DGKB: variants seen among roughly 807,000 people sequenced by gnomAD.
DGKB encodes diacylglycerol kinase beta.
In DGKB, 67 loss-of-function variants were observed where a neutral mutation model predicts 114.3. The observed-to-expected ratio is 0.59, with a 90% CI of 0.48 to 0.72. The LOEUF (loss-of-function observed/expected upper bound fraction) is 0.72. Ranked by LOEUF, DGKB falls within the 30% of genes least tolerant of loss-of-function variation. The pLI is 0.00. For synonymous variants in DGKB, 398 were observed against 323.1 expected (o/e 1.23, Z -2.49); for missense variants, 907 against 975.2 (o/e 0.93, Z 0.93).
At chr7:14,792,989 C>T (rs1334605063) in intron 2 of DGKB, among the ~76,000 whole-genome samples, 1 of 152,004 alleles carries the variant, frequency 6.6e-6, no homozygotes, top group Admixed American at 6.6e-5. Flanking sequence ...AAGAAAAACA[C>T]AGGTATGTGA....
At chr7:14,285,037 A>G (rs958928633) in intron 23 of DGKB, among the ~76,000 whole-genome samples, 6 of 152,070 alleles carry the variant, frequency 3.9e-5, no homozygotes, top group Admixed American at 3.9e-4. Flanking sequence ...AAATAATAAA[A>G]AAAAGAAATG....
intron 1 of DGKB, among the ~76,000 whole-genome samples, chr7:14,944,849 T>G (rs73058999): frequency 1.3e-5 from 2 of 151,718 alleles, no homozygotes; most frequent in African/African-American, 4.8e-5. Flanking sequence ...TTTTATTTGG[T>G]TTGTATATAC....
intron 22 of DGKB, among the ~76,000 whole-genome samples, chr7:14,340,754 T>C (rs1461333864): frequency 6.6e-6 from 1 of 151,730 alleles, no homozygotes; most frequent in Non-Finnish European, 1.5e-5. Context: ...TTTATAAAGG[T>C]CTGGCTTCCC....
At chr7:14,453,552 A>T (rs1831837857) in intron 21 of DGKB, among the ~76,000 whole-genome samples, 1 of 152,148 alleles carries the variant, frequency 6.6e-6, no homozygotes. Context: ...TGCATTTCTA[A>T]CCATCTCCAT....
At chr7:14,827,030 GT>G (rs1845793472) in intron 2 of DGKB, among the ~76,000 whole-genome samples, 1 of 152,074 alleles carries the variant, frequency 6.6e-6, no homozygotes, top group Non-Finnish European at 1.5e-5. Flanking sequence ...GGCATTGCCA[GT>G]TTTAACATTG....
rs568715475 is a variant in DGKB, at chr7:14,488,913, CA to C, written c.1771-10689del. Among the ~76,000 whole-genome samples the C allele has an allele frequency of 3.4e-5, 5 of 149,094 alleles. No homozygotes were observed. In the East Asian group the frequency reaches 9.8e-4, roughly 29 times the overall value. On this transcript the variant is annotated intron_variant, in intron 20 of 25. Coordinates refer to ENST00000402815, the MANE Select transcript of DGKB (RefSeq NM_001350709.2). ...AATTATTTTCTAGAAATCTAAACAA[CA>C]AAAATTAGGTCTAGAAATCTAAAAT... is the stretch of plus-strand genomic sequence containing the variant.
intron 23 of DGKB, among the ~76,000 whole-genome samples, chr7:14,307,967 AC>A (rs11330343): frequency 0.21 from 32,174 of 152,008 alleles, 5,486 homozygotes; most frequent in African/African-American, 0.47. Flanking sequence ...ATCAGTAAGA[AC>A]CTTTTTAAAT....
At chr7:14,838,643 C>A (rs1488593525) in intron 2 of DGKB, among the ~76,000 whole-genome samples, 1 of 152,100 alleles carries the variant, frequency 6.6e-6, no homozygotes. Flanking sequence ...AGTCGTCTTT[C>A]ATGATCTACG....
At chr7:14,696,378 C>T (rs948043415) in intron 8 of DGKB, among the ~76,000 whole-genome samples, 7 of 151,688 alleles carry the variant, frequency 4.6e-5, no homozygotes, top group African/African-American at 1.7e-4. Flanking sequence ...GCCTGTAGTC[C>T]CAGCTACTCG....
At chr7:14,297,227 C>G (rs1232114190) in intron 23 of DGKB, among the ~76,000 whole-genome samples, 2 of 152,098 alleles carry the variant, frequency 1.3e-5, no homozygotes, top group Non-Finnish European at 2.9e-5. Flanking sequence ...CATCCTGATA[C>G]CAAAACCTGG....
At chr7:14,238,315 C>T (rs966796503) in intron 23 of DGKB, among the ~76,000 whole-genome samples, 4 of 152,000 alleles carry the variant, frequency 2.6e-5, no homozygotes, top group African/African-American at 9.7e-5. Flanking sequence ...CCTTCATTCT[C>T]TCTCTTTCTT....
At chr7:14,316,208 A>G (rs1226673139) in intron 23 of DGKB, among the ~76,000 whole-genome samples, 1 of 152,010 alleles carries the variant, frequency 6.6e-6, no homozygotes, top group Admixed American at 6.6e-5. Flanking sequence ...ACACCCTAAC[A>G]TCACAATTAA....
intron 23 of DGKB, among the ~76,000 whole-genome samples, chr7:14,216,852 C>A (rs1322833521): frequency 1.3e-5 from 2 of 151,456 alleles, no homozygotes; most frequent in African/African-American, 4.9e-5. Flanking sequence ...TTTTAAAGGA[C>A]TTACACCAAT....
At chr7:14,184,607 T>TGCTGCA (rs1292353259) in intron 23 of DGKB, among the ~76,000 whole-genome samples, 1 of 151,956 alleles carries the variant, frequency 6.6e-6, no homozygotes, top group African/African-American at 2.4e-5. Flanking sequence ...CCATCCCCCA[T>TGCTGCA]GCTGCAGCTG....
At chr7:14,629,566 G>A (rs1332135699) in intron 14 of DGKB, among the ~76,000 whole-genome samples, 2 of 151,880 alleles carry the variant, frequency 1.3e-5, no homozygotes, top group Non-Finnish European at 2.9e-5. Flanking sequence ...AATACCATTT[G>A]GGCATTTCCT....
chr7:14,904,606 C>G (rs982884864), upstream of DGKB, among the ~76,000 whole-genome samples: 1 of 152,124 alleles, frequency 6.6e-6, no homozygotes, highest in African/African-American at 2.4e-5. Flanking sequence ...ATCAATTTGC[C>G]AAAGCCAGCC....
chr7:14,784,248 T>C (rs371335528), intron 2 of DGKB, among the ~76,000 whole-genome samples: 1 of 152,172 alleles, frequency 6.6e-6, no homozygotes, highest in South Asian at 2.1e-4. Flanking sequence ...TCTAAGCTTT[T>C]CTTTGGTTAT....
At chr7:14,866,257 G>A (rs1405326099) in intron 1 of DGKB, among the ~76,000 whole-genome samples, 1 of 152,064 alleles carries the variant, frequency 6.6e-6, no homozygotes, top group Non-Finnish European at 1.5e-5. Flanking sequence ...AGCTTACCAT[G>A]AGACACCATA....
At chr7:14,896,497 G>A (rs217591) in intron 1 of DGKB, among the ~76,000 whole-genome samples, 148,474 of 151,626 alleles carry the variant, frequency 0.98, 72,761 homozygotes, top group East Asian at 1. Flanking sequence ...TAAAACTAAG[G>A]AATATTTTTA....
Sources: allele counts gnomAD v4.1 joint callset (sites outside exome capture counted in the v4.1 genomes callset), GRCh38; gene constraint gnomAD v4.1.1; transcripts MANE v1.5; gene names NCBI Gene and HGNC (gene_info 2026-07-23, HGNC 2026-07-21).